The following ZMYND11 variants were observed in gnomAD, a reference collection of about 807,000 sequenced individuals.
The protein encoded by ZMYND11 is zinc finger MYND domain-containing protein 11.
A neutral mutation model predicts 84.9 loss-of-function variants in ZMYND11; 9 were observed. The ratio of observed to expected loss-of-function variants is 0.11; its 90% CI spans 0.06 to 0.18. The LOEUF is 0.18. Ranked by LOEUF, ZMYND11 falls within the 10% of genes least tolerant of loss-of-function variation. ZMYND11 has a pLI of 1.00. For synonymous variants in ZMYND11, 250 were observed against 244.1 expected, an observed-to-expected ratio of 1.02 and a Z score of -0.23; for missense variants, 409 against 761.0, an observed-to-expected ratio of 0.54 and a Z score of 5.44.
At chr10:248,800 G>A (rs1952739271) in intron 13 of ZMYND11, 103 bp from the exon 14 acceptor site, 1 of 1,455,766 alleles carries the variant, frequency 6.9e-7, no homozygotes, top group South Asian at 1.4e-5. Flanking sequence ...TAATGAAGGG[G>A]AAAAAAGGTA....
chr10:250,487 C>CCTGT (rs1461608015), intron 14 of ZMYND11, among the ~76,000 whole-genome samples: 1 of 150,132 alleles, frequency 6.7e-6, no homozygotes, highest in Non-Finnish European at 1.5e-5. Flanking sequence ...GGAGCAAGAC[C>CCTGT]CTGTCTCTTA....
intron 1 of ZMYND11, among the ~76,000 whole-genome samples, chr10:159,732 T>G (rs1160976222): frequency 6.6e-6 from 1 of 152,212 alleles, no homozygotes; most frequent in Non-Finnish European, 1.5e-5. Context: ...GTATTTGGGA[T>G]GTGCAAAGAG....
At chr10:246,194 C>G (rs1012057530) in intron 10 of ZMYND11, among the ~76,000 whole-genome samples, 3 of 152,198 alleles carry the variant, frequency 2.0e-5, no homozygotes. Flanking sequence ...ATCAGTGGCT[C>G]TGTGTGTTCA....
chr10:220,393 A>G, intron 3 of ZMYND11, among the ~76,000 whole-genome samples: 1 of 152,194 alleles, frequency 6.6e-6, no homozygotes, highest in Non-Finnish European at 1.5e-5. Context: ...ATTCTAAATT[A>G]AGAGAACTTC....
chr10:243,631 C>T (rs912234570), intron 10 of ZMYND11, among the ~76,000 whole-genome samples: 2 of 152,028 alleles, frequency 1.3e-5, no homozygotes, highest in Non-Finnish European at 2.9e-5. Flanking sequence ...TTTGGGAGGC[C>T]GAGGCGGCTG....
At position 220,747 on chromosome 10, in the gene ZMYND11, T is replaced by TATTACTATTCTCTCTGTTCCCA. The variant is rs574409785; in HGVS notation, c.277-447_277-426dup. ...GATAAGAATAGTGAGCATCACCAGT[T>TATTACTATTCTCTCTGTTCCCA]ATTACTATTCTCTCTGTTCCCACAG... On this transcript the variant is annotated intron_variant, in intron 3 of 14. Transcript: ENST00000381604. Among the ~76,000 whole-genome samples the TATTACTATTCTCTCTGTTCCCA allele has an allele frequency of 8.7e-3, 1,330 of 152,314 alleles. 10 individuals carry two copies. The highest frequency in any genetic ancestry group is 0.014 in the Non-Finnish European group (969 of 68,008).
At chr10:233,373 C>T (rs989124373) in intron 4 of ZMYND11, among the ~76,000 whole-genome samples, 1 of 152,162 alleles carries the variant, frequency 6.6e-6, no homozygotes, top group African/African-American at 2.4e-5. Context: ...CACGCCCTCT[C>T]CCCAGACAGC....
At chr10:224,967 A>T (rs1947840903) in intron 4 of ZMYND11, among the ~76,000 whole-genome samples, 1 of 152,198 alleles carries the variant, frequency 6.6e-6, no homozygotes, top group African/African-American at 2.4e-5. Context: ...GTTTTATTTG[A>T]ATTTTATTTT....
rs544628507 is a variant in ZMYND11 at position 186,155 on chromosome 10, G to A, written c.116+6027G>A. 1.8e-4 allele frequency among the ~76,000 whole-genome samples: 27 copies of A among 151,704 alleles called. No homozygotes were observed. The East Asian group carries it at 3.0e-3, about 17-fold the overall frequency. On this transcript the variant is annotated intron_variant, in intron 2 of 14. Coordinates refer to ENST00000381604, the MANE Select transcript of ZMYND11 (RefSeq NM_001370100.5). ...CTCCAGAGTAGCTAGGACTACAGGC[G>A]CCCACCAGGATGCCTGGCTAATTTT... is the stretch of plus-strand genomic sequence containing the variant.
intron 1 of ZMYND11, among the ~76,000 whole-genome samples, chr10:145,203 T>C (rs1483068816): frequency 1.4e-5 from 2 of 147,410 alleles, no homozygotes; most frequent in East Asian, 2.0e-4. Flanking sequence ...CATATGTGTG[T>C]GTATATATAT....
chr10:204,776 T>C (rs1943838437), intron 2 of ZMYND11, among the ~76,000 whole-genome samples: 1 of 152,240 alleles, frequency 6.6e-6, no homozygotes, highest in Non-Finnish European at 1.5e-5. Flanking sequence ...ATTTTTGACC[T>C]GTTAATGGAG....
chr10:213,327 G>C (rs926322028), intron 3 of ZMYND11, among the ~76,000 whole-genome samples: 1 of 152,174 alleles, frequency 6.6e-6, no homozygotes, highest in Non-Finnish European at 1.5e-5. Flanking sequence ...TGTCCTACAT[G>C]CCAGCATTTG....
At chr10:233,962 A>C (rs1218609146) in intron 4 of ZMYND11, among the ~76,000 whole-genome samples, 1 of 152,150 alleles carries the variant, frequency 6.6e-6, no homozygotes, top group East Asian at 1.9e-4. Flanking sequence ...ATTTATGTGA[A>C]TTCTCTATTT....
At chr10:219,345 A>C (rs1946731475) in intron 3 of ZMYND11, among the ~76,000 whole-genome samples, 1 of 152,214 alleles carries the variant, frequency 6.6e-6, no homozygotes, top group Non-Finnish European at 1.5e-5. Context: ...TAAAAAATTC[A>C]AGTGATGAAT....
intron 4 of ZMYND11, among the ~76,000 whole-genome samples, chr10:221,650 C>T (rs1451789982): frequency 1.3e-5 from 2 of 152,132 alleles, no homozygotes; most frequent in Admixed American, 1.3e-4. Flanking sequence ...ATCAGAAATA[C>T]GAAACCTACT....
At chr10:203,816 G>T (rs1310943227) in intron 2 of ZMYND11, among the ~76,000 whole-genome samples, 1 of 152,148 alleles carries the variant, frequency 6.6e-6, no homozygotes. Context: ...AAGGAATCAA[G>T]CTCTAGAACT....
At chr10:233,558 G>A (rs762787358) in intron 4 of ZMYND11, among the ~76,000 whole-genome samples, 1 of 152,280 alleles carries the variant, frequency 6.6e-6, no homozygotes, top group East Asian at 1.9e-4. Context: ...ACATTCCTGG[G>A]GTAGTTATGA....
chr10:208,770 A>G (rs1305561529), intron 2 of ZMYND11, among the ~76,000 whole-genome samples: 1 of 152,168 alleles, frequency 6.6e-6, no homozygotes, highest in Non-Finnish European at 1.5e-5. Flanking sequence ...ATCTGTAACA[A>G]TGAGGTGGAG....
chr10:209,811 C>T (rs1035657869), intron 2 of ZMYND11, 78 bp from the exon 3 acceptor site: 89 of 1,368,472 alleles, frequency 6.5e-5, no homozygotes, highest in Non-Finnish European at 8.8e-5. Flanking sequence ...AAAGAAATTA[C>T]CACCATTTTC....
Sources: gnomAD v4.1 joint callset for allele counts (sites outside exome capture counted in the v4.1 genomes callset) on GRCh38, gnomAD v4.1.1 for gene constraint, MANE v1.5 for transcripts, NCBI Gene and HGNC (gene_info 2026-07-23, HGNC 2026-07-21) for gene names.